Variants in CLVS1 observed in about 807,000 individuals in gnomAD.
CLVS1 encodes the protein clavesin-1.
Under a neutral mutation model 33.1 loss-of-function variants are expected in CLVS1, and 10 were observed. The ratio of observed to expected loss-of-function variants is 0.30; its 90% CI spans 0.19 to 0.51. The LOEUF is 0.51. Among genes scored for constraint, CLVS1 ranks in the 20% least tolerant of loss-of-function variants. CLVS1 has a pLI of 0.97. For synonymous variants in CLVS1, 163 were observed against 166.1 expected (o/e 0.98, Z 0.14); for missense variants, 343 against 433.4 (o/e 0.79, Z 1.85).
intron 2 of CLVS1, among the ~76,000 whole-genome samples, chr8:61,343,516 C>T (rs1017770204): frequency 6.6e-6 from 1 of 152,206 alleles, no homozygotes; most frequent in African/African-American, 2.4e-5. Context: ...GAGCTAAAGA[C>T]AATGTACTTG....
intron 2 of CLVS1, among the ~76,000 whole-genome samples, chr8:61,277,129 A>G (rs578260725): frequency 6.6e-6 from 1 of 152,302 alleles, no homozygotes; most frequent in East Asian, 1.9e-4. Flanking sequence ...CTCCACTGAT[A>G]TAGCACTTAG....
At chr8:61,094,229 G>A (rs1222672899) in intron 1 of CLVS1, among the ~76,000 whole-genome samples, 1 of 152,178 alleles carries the variant, frequency 6.6e-6, no homozygotes, top group Non-Finnish European at 1.5e-5. Context: ...AGCGGGAGGT[G>A]GGTGTGGAAA....
chr8:61,078,918 T>C (rs1804973037), intron 1 of CLVS1, among the ~76,000 whole-genome samples: 1 of 152,210 alleles, frequency 6.6e-6, no homozygotes, highest in Admixed American at 6.5e-5. Context: ...AATGGTTAGC[T>C]GAAAAGTCAA....
At chr8:61,149,746 A>G (rs768753586) in intron 2 of CLVS1, among the ~76,000 whole-genome samples, 4 of 152,092 alleles carry the variant, frequency 2.6e-5, no homozygotes, top group African/African-American at 4.8e-5. Context: ...CTTTCTGGAG[A>G]CAGTCCCTCT....
At chr8:61,484,214 C>T (rs1345347426) in intron 5 of CLVS1, among the ~76,000 whole-genome samples, 1 of 152,220 alleles carries the variant, frequency 6.6e-6, no homozygotes, top group Non-Finnish European at 1.5e-5. Context: ...AGCCCTAAAT[C>T]TCCTTAAGTT....
intron 5 of CLVS1, among the ~76,000 whole-genome samples, chr8:61,479,679 T>C (rs1187055312): frequency 6.6e-6 from 1 of 152,148 alleles, no homozygotes. Context: ...GAGTTTCCGG[T>C]TTTTCTGCTC....
At chr8:61,103,228 C>A (rs966666930) in intron 1 of CLVS1, among the ~76,000 whole-genome samples, 1 of 152,116 alleles carries the variant, frequency 6.6e-6, no homozygotes, top group Non-Finnish European at 1.5e-5. Context: ...TCTTCCTTGG[C>A]CACTGGTGAA....
At chr8:61,448,751 A>G (rs756257676) in intron 3 of CLVS1, among the ~76,000 whole-genome samples, 1 of 150,916 alleles carries the variant, frequency 6.6e-6, no homozygotes, top group Non-Finnish European at 1.5e-5. Flanking sequence ...TTTCTATTTT[A>G]TATTTATTTG....
At chr8:61,022,673 C>T in the CLVS1 span, among the ~76,000 whole-genome samples, 1 of 152,122 alleles carries the variant, frequency 6.6e-6, no homozygotes, top group Non-Finnish European at 1.5e-5. Flanking sequence ...CAAGAGCAGC[C>T]ATGTGTTGAT....
intron 2 of CLVS1, among the ~76,000 whole-genome samples, chr8:61,132,765 T>A (rs561684975): frequency 7.9e-5 from 12 of 152,234 alleles, no homozygotes; most frequent in Admixed American, 4.6e-4. Context: ...GTGGGGGAAG[T>A]TCCCCAGTGT....
chr8:61,118,838 T>C (rs1805797956), intron 1 of CLVS1, among the ~76,000 whole-genome samples: 1 of 152,120 alleles, frequency 6.6e-6, no homozygotes, highest in Non-Finnish European at 1.5e-5. Context: ...CTGAAAAAAA[T>C]GTATATTCTG....
chr8:60,977,535 T>C, the CLVS1 span, among the ~76,000 whole-genome samples: 4 of 152,034 alleles, frequency 2.6e-5, no homozygotes, highest in Admixed American at 6.5e-5. Context: ...AGTTGAAAAG[T>C]GCAAAAACTA....
At chr8:60,992,242 G>C in the CLVS1 span, among the ~76,000 whole-genome samples, 1 of 152,186 alleles carries the variant, frequency 6.6e-6, no homozygotes, top group Non-Finnish European at 1.5e-5. Flanking sequence ...TTACTCATCT[G>C]TAAACTCCAT....
At chr8:61,487,716 CA>C (rs1386220605) in intron 5 of CLVS1, among the ~76,000 whole-genome samples, 1 of 152,156 alleles carries the variant, frequency 6.6e-6, no homozygotes, top group Admixed American at 6.5e-5. Flanking sequence ...TACAGATATA[CA>C]AGAAGAAAAT....
intron 5 of CLVS1, among the ~76,000 whole-genome samples, chr8:61,487,988 A>G (rs1290155130): frequency 6.6e-6 from 1 of 152,210 alleles, no homozygotes. Context: ...TAGAGGGAGT[A>G]TGATAATTAG....
chr8:61,257,163 T>G (rs888434292), intron 2 of CLVS1, among the ~76,000 whole-genome samples: 6 of 152,232 alleles, frequency 3.9e-5, no homozygotes, highest in Non-Finnish European at 8.8e-5. Flanking sequence ...GTGGGGATAA[T>G]GCTAACAAAT....
the CLVS1 span, among the ~76,000 whole-genome samples, chr8:61,049,402 G>T: frequency 1.3e-5 from 2 of 152,098 alleles, no homozygotes; most frequent in South Asian, 4.1e-4. Flanking sequence ...AGTTTTGGTG[G>T]CCAGTTCAAA....
At chr8:61,478,809 C>T (rs1017626238) in intron 5 of CLVS1, among the ~76,000 whole-genome samples, 1 of 152,106 alleles carries the variant, frequency 6.6e-6, no homozygotes. Flanking sequence ...AGCATTTAGC[C>T]CATTTACATT....
chr8:61,262,930 T>C (rs1324368031), intron 2 of CLVS1, among the ~76,000 whole-genome samples: 1 of 152,176 alleles, frequency 6.6e-6, no homozygotes, highest in Non-Finnish European at 1.5e-5. Context: ...CTGAGGGTTG[T>C]TGGGGGAAGC....
Sources: allele counts gnomAD v4.1 joint callset (sites outside exome capture counted in the v4.1 genomes callset), GRCh38; gene constraint gnomAD v4.1.1; transcripts MANE v1.5; gene names NCBI Gene and HGNC (gene_info 2026-07-23, HGNC 2026-07-21).